DPF3: variants seen among roughly 807,000 people sequenced by gnomAD.
DPF3 encodes the protein zinc finger protein DPF3.
Under a neutral mutation model 56.8 loss-of-function variants are expected in DPF3, and 18 were observed. The observed-to-expected ratio is 0.32, with a 90% CI of 0.22 to 0.47. The LOEUF is 0.47. DPF3 is among the 20% of genes least tolerant of loss of function. The pLI is 1.00. For missense variants in DPF3, 403 were observed against 488.8 expected (o/e 0.82, Z 1.65); for synonymous variants, 188 against 180.2 (o/e 1.04, Z -0.35).
chr14:72,818,539 T>C lies in DPF3; in HGVS notation c.33-46646A>G, dbSNP rs202002700. ...TACAAAGAAGTTTATTAACCAGGTG[T>C]GGTGGCTCATGCCTGCCGTCCCAGC... On this transcript the variant is annotated intron_variant, in intron 1 of 10. Transcript: ENST00000556509. 3.9e-5 allele frequency among the ~76,000 whole-genome samples: 6 copies of C among 152,198 alleles called. No homozygotes were observed. The East Asian group carries it at 9.6e-4, about 24-fold the overall frequency.
rs1884165376 is a variant in DPF3, at chr14:72,617,668, C to G, written c.*1629G>C. On this transcript the variant is annotated 3_prime_UTR_variant, in exon 11 of 11. Coordinates refer to ENST00000556509, the MANE Select transcript of DPF3 (RefSeq NM_001280542.3). ...CCACACTGCTTGGTTTCATGCCAGG[C>G]TGCCCTGGGTCCACTGGCCAAGAGC... is the stretch of plus-strand genomic sequence containing the variant. Among the ~76,000 whole-genome samples the G allele has an allele frequency of 6.6e-6, 1 of 152,208 alleles. No individual in the cohort carries two copies. Among genetic ancestry groups the G allele is most frequent in the African/African-American group, 2.4e-5 (1 of 41,452 alleles).
intron 2 of DPF3, among the ~76,000 whole-genome samples, chr14:72,756,857 A>G (rs1324323346): frequency 2.0e-4 from 24 of 121,782 alleles, no homozygotes; most frequent in African/African-American, 7.4e-4. Context: ...AGAAAGAAAG[A>G]AAGAAAGAAA....
chr14:72,695,613 G>A (rs907034917), intron 6 of DPF3, among the ~76,000 whole-genome samples: 4 of 152,110 alleles, frequency 2.6e-5, no homozygotes, highest in Non-Finnish European at 4.4e-5. Context: ...TCTTTTTATG[G>A]CTGTGTAATA....
At chr14:72,800,956 A>T (rs1482576443) in intron 1 of DPF3, among the ~76,000 whole-genome samples, 1 of 152,230 alleles carries the variant, frequency 6.6e-6, no homozygotes, top group Non-Finnish European at 1.5e-5. Context: ...CTATAGGCTT[A>T]CTTCTGTATG....
intron 8 of DPF3, among the ~76,000 whole-genome samples, chr14:72,653,475 G>A (rs1481149393): frequency 1.3e-5 from 2 of 152,236 alleles, no homozygotes; most frequent in East Asian, 1.9e-4. Context: ...AGCAGTCAGG[G>A]CTTGCAAGCT....
Position 72,752,036 on chromosome 14 carries a change from C to T in DPF3, c.301+1228G>A, listed in dbSNP as rs116352153. Among the ~76,000 whole-genome samples the T allele has an allele frequency of 5.9e-3, 901 of 152,292 alleles. 14 individuals are homozygous for T. Among genetic ancestry groups the T allele is most frequent in the African/African-American group, 0.021 (862 of 41,560 alleles). ...TATTTAAGTGAAATACGGATTGAAG[C>T]GAACAATCAAAGCAGTCGTAACCCT... On this transcript the variant is annotated intron_variant, in intron 3 of 10. Coordinates refer to ENST00000556509, the MANE Select transcript of DPF3 (RefSeq NM_001280542.3).
intron 3 of DPF3, among the ~76,000 whole-genome samples, chr14:72,744,726 A>G (rs1224347993): frequency 6.6e-6 from 1 of 152,044 alleles, no homozygotes; most frequent in Non-Finnish European, 1.5e-5. Context: ...TCGTTGCTGA[A>G]ACCTGCCCAT....
chr14:72,674,435 C>T (rs1886823829), intron 7 of DPF3, 67 bp from the exon 8 acceptor site: 1 of 1,557,300 alleles, frequency 6.4e-7, no homozygotes, highest in Admixed American at 1.9e-5. Flanking sequence ...TTCTTCTCCT[C>T]CTACAGTGTG....
intron 2 of DPF3, among the ~76,000 whole-genome samples, chr14:72,764,756 G>T (rs907217182): frequency 6.6e-6 from 1 of 152,078 alleles, no homozygotes; most frequent in African/African-American, 2.4e-5. Context: ...CTCCCAAAGT[G>T]CTGGGATTAC....
At chr14:72,802,693 T>C (rs1277669823) in intron 1 of DPF3, among the ~76,000 whole-genome samples, 1 of 152,198 alleles carries the variant, frequency 6.6e-6, no homozygotes, top group Non-Finnish European at 1.5e-5. Flanking sequence ...CTTTTTTAAA[T>C]ATACACAAAG....
At chr14:72,731,091 G>A (rs566429003) in intron 4 of DPF3, among the ~76,000 whole-genome samples, 4 of 152,260 alleles carry the variant, frequency 2.6e-5, no homozygotes, top group African/African-American at 7.2e-5. Context: ...ACTTGAACCC[G>A]GGAGGCAGAG....
chr14:72,872,626 C>T (rs1407898854), intron 1 of DPF3, among the ~76,000 whole-genome samples: 1 of 152,128 alleles, frequency 6.6e-6, no homozygotes, highest in Non-Finnish European at 1.5e-5. Flanking sequence ...CAATCCTAAG[C>T]CAAAAGAACA....
intron 2 of DPF3, among the ~76,000 whole-genome samples, chr14:72,756,959 AAG>A (rs1446605200): frequency 7.4e-5 from 9 of 122,422 alleles, no homozygotes; most frequent in East Asian, 2.6e-4. Flanking sequence ...GGGAGAGGGA[AAG>A]AGGGGGAGAG....
intron 1 of DPF3, among the ~76,000 whole-genome samples, chr14:72,816,308 T>C (rs893536012): frequency 3.9e-5 from 6 of 152,212 alleles, no homozygotes; most frequent in Non-Finnish European, 5.9e-5. Flanking sequence ...CTTAATAAGA[T>C]TGACATTTGC....
chr14:72,789,927 C>T (rs1164323690), intron 1 of DPF3, among the ~76,000 whole-genome samples: 1 of 152,322 alleles, frequency 6.6e-6, no homozygotes, highest in East Asian at 1.9e-4. Flanking sequence ...ATTCTTTTTC[C>T]ATCACTCTGG....
At chr14:72,879,909 G>A in intron 1 of DPF3, 2 of 1,514,652 alleles carry the variant, frequency 1.3e-6, no homozygotes, top group East Asian at 2.5e-5. Flanking sequence ...TGTTTTCCGG[G>A]GAGATGATCC....
At chr14:72,759,843 G>A in intron 2 of DPF3, among the ~76,000 whole-genome samples, 1 of 151,884 alleles carries the variant, frequency 6.6e-6, no homozygotes, top group East Asian at 1.9e-4. Flanking sequence ...ATGCAAGCAA[G>A]AAAAGAGTGG....
intron 8 of DPF3, among the ~76,000 whole-genome samples, chr14:72,655,140 C>T (rs1886027236): frequency 1.3e-5 from 2 of 152,180 alleles, no homozygotes; most frequent in Admixed American, 1.3e-4. Context: ...GTTCACTTCA[C>T]GTGCTAAATG....
intron 1 of DPF3, among the ~76,000 whole-genome samples, chr14:72,879,110 T>C (rs557524058): frequency 6.6e-6 from 1 of 152,208 alleles, no homozygotes; most frequent in East Asian, 1.9e-4. Context: ...GTGGCCAGGC[T>C]TGGTGGCTCA....
Sources: gnomAD v4.1 joint callset for allele counts (sites outside exome capture counted in the v4.1 genomes callset) on GRCh38, gnomAD v4.1.1 for gene constraint, MANE v1.5 for transcripts, NCBI Gene and HGNC (gene_info 2026-07-23, HGNC 2026-07-21) for gene names.